The following RBFOX1 variants were observed in gnomAD, a reference collection of about 807,000 sequenced individuals.
RBFOX1 encodes RNA binding protein fox-1 homolog 1.
Under a neutral mutation model 57.7 loss-of-function variants are expected in RBFOX1, and 8 were observed. That is an observed-to-expected ratio of 0.14 (90% CI 0.08 to 0.25). RBFOX1 has a LOEUF of 0.25. RBFOX1 is among the 10% of genes least tolerant of loss of function. RBFOX1 has a pLI of 1.00. For synonymous variants in RBFOX1, 326 were observed against 222.4 expected, an observed-to-expected ratio of 1.47 and a Z score of -4.15; for missense variants, 611 against 548.5, an observed-to-expected ratio of 1.11 and a Z score of -1.14.
rs1387893122 is a variant in RBFOX1 at position 7,676,756 on chromosome 16, T to C, written c.931-18T>C. 1.9e-6 allele frequency: 3 copies of C among 1,607,792 alleles called. No homozygotes were observed. The highest frequency in any genetic ancestry group is 2.7e-5 in the African/African-American group (2 of 74,780). On this transcript the variant is annotated intron_variant, in intron 13 of 15. Coordinates refer to ENST00000550418, the MANE Select transcript of RBFOX1 (RefSeq NM_018723.4). ...GGCTCCGCTACATTCCTGAGTCACA[T>C]TTCTCCTTGTGTTTTAGGGTGGTTA...
chr16:7,502,608 A>T (rs1477061110), intron 4 of RBFOX1, among the ~76,000 whole-genome samples: 2 of 152,154 alleles, frequency 1.3e-5, no homozygotes, highest in African/African-American at 4.8e-5. Context: ...TGTTTTTTTA[A>T]TTATACTTTA....
intron 3 of RBFOX1, among the ~76,000 whole-genome samples, chr16:5,766,475 C>G (rs192047653): frequency 1.3e-5 from 2 of 152,174 alleles, no homozygotes; most frequent in Non-Finnish European, 1.5e-5. Context: ...GTACCAGCTA[C>G]TTGGGAGGCT....
At chr16:6,597,439 C>T (rs140290302) in intron 2 of RBFOX1, among the ~76,000 whole-genome samples, 6,612 of 151,990 alleles carry the variant, frequency 0.044, 456 homozygotes, top group African/African-American at 0.15. Context: ...TTTGGGAGGC[C>T]GAGGTGGGCG....
intron 7 of RBFOX1, among the ~76,000 whole-genome samples, chr16:7,588,611 G>C (rs7193328): frequency 0.94 from 142,495 of 152,200 alleles, 66,990 homozygotes; most frequent in Non-Finnish European, 0.96. Flanking sequence ...TTGAGAGATA[G>C]TGATTTCAGC....
intron 4 of RBFOX1, among the ~76,000 whole-genome samples, chr16:7,055,564 T>A (rs536601845): frequency 2.6e-5 from 4 of 152,244 alleles, no homozygotes; most frequent in African/African-American, 9.6e-5. Context: ...CCTTCACACG[T>A]CTTGCATTTT....
chr16:6,110,522 A>T (rs528754932), intron 1 of RBFOX1, among the ~76,000 whole-genome samples: 1 of 152,314 alleles, frequency 6.6e-6, no homozygotes, highest in African/African-American at 2.4e-5. Context: ...TTAATGGCAG[A>T]TTAAAACAAC....
chr16:5,671,395 A>G (rs927147137), intron 3 of RBFOX1, among the ~76,000 whole-genome samples: 1 of 152,162 alleles, frequency 6.6e-6, no homozygotes, highest in Non-Finnish European at 1.5e-5. Context: ...TTTTCTATAC[A>G]CTTCACTGAG....
chr16:6,035,122 C>G (rs1190550813), intron 1 of RBFOX1, among the ~76,000 whole-genome samples: 1 of 152,150 alleles, frequency 6.6e-6, no homozygotes, highest in Admixed American at 6.5e-5. Context: ...AGTAGCACCC[C>G]CTTCACCCAT....
chr16:5,301,671 C>A (rs1307494919), intron 1 of RBFOX1, among the ~76,000 whole-genome samples: 2 of 147,380 alleles, frequency 1.4e-5, no homozygotes, highest in Non-Finnish European at 3.0e-5. Context: ...CTTGGATACA[C>A]AGAGCTCCAT....
chr16:6,739,178 A>T (rs748512886), intron 3 of RBFOX1, among the ~76,000 whole-genome samples: 30 of 152,196 alleles, frequency 2.0e-4, no homozygotes, highest in Admixed American at 2.6e-4. Flanking sequence ...GAAAAACAAG[A>T]GAGAAATGCT....
At chr16:7,300,716 T>C (rs1413858775) in intron 4 of RBFOX1, among the ~76,000 whole-genome samples, 1 of 152,234 alleles carries the variant, frequency 6.6e-6, no homozygotes, top group Non-Finnish European at 1.5e-5. Context: ...ATTCTTCTTT[T>C]AAATTGCTGG....
intron 3 of RBFOX1, among the ~76,000 whole-genome samples, chr16:6,790,724 T>C (rs1280047814): frequency 6.6e-6 from 1 of 152,130 alleles, no homozygotes; most frequent in Non-Finnish European, 1.5e-5. Flanking sequence ...ATCCCTCCTC[T>C]TCTTCTTCTC....
At chr16:5,415,634 G>A (rs1241121123) in intron 1 of RBFOX1, among the ~76,000 whole-genome samples, 2 of 151,994 alleles carry the variant, frequency 1.3e-5, no homozygotes, top group Non-Finnish European at 2.9e-5. Flanking sequence ...ACCACTGTTT[G>A]GTTTTCATTG....
chr16:6,504,378 C>T (rs2096030717), intron 2 of RBFOX1, among the ~76,000 whole-genome samples: 1 of 152,190 alleles, frequency 6.6e-6, no homozygotes, highest in Admixed American at 6.5e-5. Flanking sequence ...CATTTGGGAT[C>T]TAATGTGTTT....
At chr16:5,958,258 T>C (rs1022004976) in intron 4 of RBFOX1, among the ~76,000 whole-genome samples, 2 of 152,236 alleles carry the variant, frequency 1.3e-5, no homozygotes, top group Non-Finnish European at 2.9e-5. Flanking sequence ...AATGAGTACA[T>C]GAGACTTGCT....
At chr16:6,064,009 A>G (rs2095724899) in intron 1 of RBFOX1, among the ~76,000 whole-genome samples, 1 of 152,176 alleles carries the variant, frequency 6.6e-6, no homozygotes, top group South Asian at 2.1e-4. Flanking sequence ...CTAACCCTCT[A>G]ATGTATTATT....
Position 7,094,534 on chromosome 16 carries a change from C to T in RBFOX1, c.27+42436C>T, listed in dbSNP as rs574104713. Among the ~76,000 whole-genome samples, 4 of 152,210 alleles carry T rather than the reference C, an allele frequency of 2.6e-5. No homozygotes were observed. In the South Asian group the frequency reaches 8.3e-4, roughly 32 times the overall value. On this transcript the variant is annotated intron_variant, in intron 4 of 15. Transcript: ENST00000550418. ...CTTTGCATTCCTATGTCATCTTCTCCTGATGTTATCATTCGAAGTCAGACT... is the reference window on the plus strand; with the variant it reads ...CTTTGCATTCCTATGTCATCTTCTCTTGATGTTATCATTCGAAGTCAGACT...
intron 3 of RBFOX1, among the ~76,000 whole-genome samples, chr16:6,930,708 C>T (rs754316998): frequency 2.6e-5 from 4 of 152,140 alleles, no homozygotes; most frequent in Non-Finnish European, 4.4e-5. Flanking sequence ...CTGTGCCTGG[C>T]CTAATTCCCC....
At chr16:6,100,085 C>T (rs943697091) in intron 1 of RBFOX1, among the ~76,000 whole-genome samples, 1 of 152,008 alleles carries the variant, frequency 6.6e-6, no homozygotes, top group African/African-American at 2.4e-5. Flanking sequence ...TGGGGATGCT[C>T]TAAAGTAGTC....
Sources: allele counts gnomAD v4.1 joint callset (sites outside exome capture counted in the v4.1 genomes callset), GRCh38; gene constraint gnomAD v4.1.1; transcripts MANE v1.5; gene names NCBI Gene and HGNC (gene_info 2026-07-23, HGNC 2026-07-21).